Variants in CFAP47 observed in about 807,000 individuals in gnomAD.
The protein encoded by CFAP47 is cilia- and flagella-associated protein 47.
In CFAP47, 29 loss-of-function variants were observed where a neutral mutation model predicts 148.1. The observed-to-expected ratio is 0.20, with a 90% CI of 0.15 to 0.27. The LOEUF (loss-of-function observed/expected upper bound fraction) is 0.27. Among genes scored for constraint, CFAP47 ranks in the 10% least tolerant of loss-of-function variants. The probability of loss-of-function intolerance (pLI) is 1.00; values close to 1 mark genes in which losing one functional copy is unlikely to be tolerated. For missense variants in CFAP47, 1,872 were observed against 1,697.5 expected (o/e 1.10, Z -1.81); for synonymous variants, 664 against 577.3 (o/e 1.15, Z -2.15).
chrX:36,011,559 T>A (rs1937038867), intron 21 of CFAP47, among the ~76,000 whole-genome samples: 1 of 112,186 alleles, frequency 8.9e-6, no homozygotes, highest in Non-Finnish European at 1.9e-5. Context: ...CAATATTTTT[T>A]AACAATTTCA....
intron 6 of CFAP47, among the ~76,000 whole-genome samples, chrX:35,953,273 A>T (rs1404587687): frequency 1.8e-5 from 2 of 112,192 alleles, no homozygotes; most frequent in Admixed American, 1.9e-4. Flanking sequence ...TTAGTTAGAG[A>T]TGAATTTTGT....
At chrX:36,159,109 G>A (rs1384754976) in intron 37 of CFAP47, among the ~76,000 whole-genome samples, 1 of 111,924 alleles carries the variant, frequency 8.9e-6, no homozygotes, top group African/African-American at 3.2e-5. Flanking sequence ...ACATGACAAA[G>A]TATTTGCCTA....
intron 15 of CFAP47, among the ~76,000 whole-genome samples, chrX:35,982,487 A>G (rs889856797): frequency 9.0e-6 from 1 of 110,525 alleles, no homozygotes; most frequent in Non-Finnish European, 1.9e-5. Flanking sequence ...GTCAATTTTC[A>G]TTTTTGTTGC....
chrX:35,995,630 A>G (rs1420008396), intron 18 of CFAP47, among the ~76,000 whole-genome samples: 1 of 111,322 alleles, frequency 9.0e-6, no homozygotes, highest in East Asian at 2.8e-4. Context: ...GTAACACCCT[A>G]TTAGAGGAAA....
chrX:36,228,184 C>T (rs1432236328), intron 45 of CFAP47, among the ~76,000 whole-genome samples: 2 of 111,489 alleles, frequency 1.8e-5, no homozygotes, highest in Non-Finnish European at 3.8e-5. Flanking sequence ...GCATGTATTT[C>T]CTTCTATCTC....
chrX:36,154,510 C>T (rs1939343989), intron 37 of CFAP47, among the ~76,000 whole-genome samples: 1 of 112,216 alleles, frequency 8.9e-6, no homozygotes, highest in Non-Finnish European at 1.9e-5. Context: ...AATGTTAAAC[C>T]TTTCTCTACA....
intron 54 of CFAP47, among the ~76,000 whole-genome samples, chrX:36,304,316 C>T (rs1416878837): frequency 1.9e-5 from 2 of 107,916 alleles, no homozygotes; most frequent in African/African-American, 3.4e-5. Context: ...CAGGTTGCAG[C>T]GGTTGCAGTG....
rs138376310 is a variant in CFAP47 at position 36,223,559 on chromosome X, A to C, written c.6818-5069A>C. ...AAGGCAGTGTTCAACTTACTATATT[A>C]CTTAATCTCTTCCATATGTTTGATG... is the stretch of plus-strand genomic sequence containing the variant. On this transcript the variant is annotated intron_variant, in intron 45 of 63. Transcript: ENST00000378653. 8.7e-3 allele frequency among the ~76,000 whole-genome samples: 971 copies of C among 111,443 alleles called. 15 individuals carry two copies. Among genetic ancestry groups the C allele is most frequent in the African/African-American group, 0.03 (918 of 30,830 alleles).
intron 51 of CFAP47, among the ~76,000 whole-genome samples, chrX:36,298,468 G>C (rs1941265775): frequency 9.5e-6 from 1 of 105,819 alleles, no homozygotes; most frequent in South Asian, 4.5e-4. Flanking sequence ...TAGATGACGA[G>C]TTAGTGGGTG....
At chrX:36,303,767 C>A in intron 53 of CFAP47, 82 bp from the exon 54 acceptor site, 2 of 464,856 alleles carry the variant, frequency 4.3e-6, no homozygotes, top group Admixed American at 4.5e-5. Flanking sequence ...TATTTTAATC[C>A]TAGGGGTCAT....
chrX:36,217,203 T>C (rs1940167356), intron 45 of CFAP47, among the ~76,000 whole-genome samples: 2 of 112,076 alleles, frequency 1.8e-5, no homozygotes, highest in South Asian at 7.4e-4. Flanking sequence ...GATCCTTCTT[T>C]GTGATACATT....
At chrX:36,126,077 AATT>A (rs374859962) in intron 33 of CFAP47, among the ~76,000 whole-genome samples, 171 of 107,184 alleles carry the variant, frequency 1.6e-3, no homozygotes, top group Admixed American at 5.3e-3. Flanking sequence ...TTCCCTTCAA[AATT>A]ATTATTATTA....
chrX:35,936,608 CTGTTA>C (rs1935916630), intron 2 of CFAP47, among the ~76,000 whole-genome samples: 1 of 109,423 alleles, frequency 9.1e-6, no homozygotes, highest in Non-Finnish European at 1.9e-5. Flanking sequence ...ATTTTTTTTT[CTGTTA>C]TGTTAGGAGA....
Position 36,299,047 on chromosome X carries a change from C to T in CFAP47, c.7757C>T (p.Thr2586Met), listed in dbSNP as rs375860775. 1.8e-4 allele frequency: 202 copies of T among 1,143,931 alleles called. No individual in the cohort carries two copies. The African/African-American group carries it at 3.1e-3, about 17-fold the overall frequency. 94.3% of individuals were successfully genotyped at this position (1,143,931 alleles called of 1,213,427 possible). The change falls in exon 52 of 64, where the codon ACG (threonine) becomes ATG (methionine). Residue 2586 changes from threonine (T) to methionine (M), a missense_variant. Transcript: ENST00000378653. ...GGTCTTCACTTAGAGGTGCAGTTAACGAGTGCTGCCCTTAATGGGGATAAT... is the reference window on the plus strand; with the variant it reads ...GGTCTTCACTTAGAGGTGCAGTTAATGAGTGCTGCCCTTAATGGGGATAAT... The part of the protein sequence containing the change: ...DRGLHLEVQL[T>M]SAALNGDNEI...
chrX:36,348,566 A>G (rs1360419812), intron 58 of CFAP47, among the ~76,000 whole-genome samples: 2 of 111,009 alleles, frequency 1.8e-5, no homozygotes, highest in East Asian at 2.8e-4. Context: ...TTATCAGTGA[A>G]TCAAAGTCAG....
intron 22 of CFAP47, among the ~76,000 whole-genome samples, chrX:36,023,684 C>T (rs115595164): frequency 0.047 from 5,238 of 111,994 alleles, 351 homozygotes; most frequent in African/African-American, 0.16. Context: ...TGCAGTTCTC[C>T]CCACTCTTTC....
chrX:36,156,993 A>G (rs1939375199), intron 37 of CFAP47, among the ~76,000 whole-genome samples: 1 of 110,441 alleles, frequency 9.1e-6, no homozygotes. Flanking sequence ...TCATTCTTGA[A>G]TGCTTCTCTT....
chrX:36,209,491 A>T (rs1443665845), intron 45 of CFAP47, among the ~76,000 whole-genome samples: 8 of 111,217 alleles, frequency 7.2e-5, no homozygotes, highest in Non-Finnish European at 1.3e-4. Flanking sequence ...CAAAACATAA[A>T]TTTTTTAGCA....
intron 45 of CFAP47, among the ~76,000 whole-genome samples, chrX:36,226,960 G>T (rs1357485244): frequency 9.1e-6 from 1 of 110,479 alleles, no homozygotes; most frequent in African/African-American, 3.3e-5. Context: ...TAAATTAATA[G>T]AATTCTATTT....
Sources: gnomAD v4.1 joint callset for allele counts (sites outside exome capture counted in the v4.1 genomes callset) on GRCh38, gnomAD v4.1.1 for gene constraint, MANE v1.5 for transcripts, NCBI Gene and HGNC (gene_info 2026-07-23, HGNC 2026-07-21) for gene names.